The following SRRM4 variants were observed in gnomAD, a reference collection of about 807,000 sequenced individuals.
The protein encoded by SRRM4 is serine/arginine repetitive matrix protein 4.
A neutral mutation model predicts 68.9 loss-of-function variants in SRRM4; 33 were observed. That is an observed-to-expected ratio of 0.48 (90% CI 0.36 to 0.64). SRRM4 has a LOEUF of 0.64. Ranked by LOEUF, SRRM4 falls within the 30% of genes least tolerant of loss-of-function variation. SRRM4 has a pLI of 0.00. For missense variants in SRRM4, 817 were observed against 827.1 expected (o/e 0.99, Z 0.15); for synonymous variants, 318 against 318.8 (o/e 1.00, Z 0.03).
chr12:119,011,525 A>G (rs1335966277), intron 1 of SRRM4, among the ~76,000 whole-genome samples: 1 of 152,232 alleles, frequency 6.6e-6, no homozygotes, highest in African/African-American at 2.4e-5. Flanking sequence ...ATACATTTCC[A>G]TCTACCCCTA....
At chr12:119,054,796 T>C (rs554739196) in intron 1 of SRRM4, among the ~76,000 whole-genome samples, 11 of 152,326 alleles carry the variant, frequency 7.2e-5, no homozygotes, top group Non-Finnish European at 1.5e-4. Context: ...CAGCTGTCCC[T>C]TGGGGTGGCA....
chr12:119,041,336 T>A (rs879643164), intron 1 of SRRM4, among the ~76,000 whole-genome samples: 1 of 152,330 alleles, frequency 6.6e-6, no homozygotes, highest in East Asian at 1.9e-4. Context: ...AACTTGTGGA[T>A]GCCTCAGTTT....
chr12:119,019,165 A>T (rs1245839281), intron 1 of SRRM4, among the ~76,000 whole-genome samples: 1 of 152,192 alleles, frequency 6.6e-6, no homozygotes, highest in Non-Finnish European at 1.5e-5. Flanking sequence ...GGTAAACGTG[A>T]TGTGTAAATC....
At chr12:119,030,684 T>C (rs10851062) in intron 1 of SRRM4, among the ~76,000 whole-genome samples, 45,651 of 152,090 alleles carry the variant, frequency 0.3, 7,198 homozygotes, top group Non-Finnish European at 0.35. Flanking sequence ...TAAGCCATTT[T>C]TCTCACTTAA....
At chr12:119,054,014 C>CACCTCCCCGCTACCA (rs1808296865) in intron 1 of SRRM4, among the ~76,000 whole-genome samples, 2 of 152,148 alleles carry the variant, frequency 1.3e-5, no homozygotes, top group African/African-American at 4.8e-5. Context: ...AAACCATCCG[C>CACCTCCCCGCTACCA]ACCTCCCCGC....
At chr12:118,990,810 T>TC (rs1953311818) in intron 1 of SRRM4, among the ~76,000 whole-genome samples, 2 of 151,474 alleles carry the variant, frequency 1.3e-5, no homozygotes, top group African/African-American at 4.9e-5. Context: ...TTTCTCTTGT[T>TC]TGTGTTTTTT....
chr12:119,084,057 C>A (rs1333970418), intron 1 of SRRM4, among the ~76,000 whole-genome samples: 1 of 152,144 alleles, frequency 6.6e-6, no homozygotes, highest in Non-Finnish European at 1.5e-5. Flanking sequence ...ACACAGCAAG[C>A]GCTATTACAC....
At chr12:119,078,821 T>C (rs1389896459) in intron 1 of SRRM4, among the ~76,000 whole-genome samples, 4 of 152,170 alleles carry the variant, frequency 2.6e-5, no homozygotes, top group Non-Finnish European at 4.4e-5. Flanking sequence ...TCCCAGCTAC[T>C]CTGGAGGCTG....
intron 1 of SRRM4, among the ~76,000 whole-genome samples, chr12:119,053,081 T>G (rs1413696535): frequency 1.3e-5 from 2 of 152,198 alleles, no homozygotes; most frequent in Admixed American, 1.3e-4. Context: ...TGTCTCAGTT[T>G]GGGGCTACTA....
At chr12:119,087,062 G>A (rs887499119) in intron 1 of SRRM4, among the ~76,000 whole-genome samples, 4 of 152,206 alleles carry the variant, frequency 2.6e-5, no homozygotes, top group African/African-American at 9.6e-5. Context: ...TGGTGAAAGG[G>A]TTAAAACCAT....
In SRRM4 at chr12:119,112,229, G is replaced by T. The variant is rs191148828; in HGVS notation, c.279-2049G>T. Among the ~76,000 whole-genome samples, 8 of 152,184 alleles carry T rather than the reference G, an allele frequency of 5.3e-5. No homozygotes were observed. The East Asian group carries it at 1.5e-3, about 29-fold the overall frequency. On this transcript the variant is annotated intron_variant, in intron 2 of 12. Transcript: ENST00000267260. ...TACTAAAAGGGACCCTCTTAGAAAT[G>T]CAAATCAAAACCACAATGAGATGCC...
intron 1 of SRRM4, among the ~76,000 whole-genome samples, chr12:119,042,934 C>T (rs948050109): frequency 6.4e-4 from 97 of 152,136 alleles, no homozygotes; most frequent in Non-Finnish European, 9.3e-4. Context: ...TGCTTTTACA[C>T]TGTTGGTGGG....
chr12:119,034,146 A>G lies in SRRM4; in HGVS notation c.131+52133A>G, dbSNP rs543588357. The stretch of plus-strand genomic sequence containing the variant: ...GGGCAGAGGGAGAAGCTGAGCTGCA[A>G]GGAGGTCTCAGTGGAGGCCTCAGCC... On this transcript the variant is annotated intron_variant, in intron 1 of 12. Transcript: ENST00000267260. Among the ~76,000 whole-genome samples the G allele has an allele frequency of 1.5e-4, 23 of 152,328 alleles. No homozygotes were observed. The South Asian group carries it at 2.3e-3, about 15-fold the overall frequency.
At chr12:119,010,374 G>T (rs1009531932) in intron 1 of SRRM4, among the ~76,000 whole-genome samples, 3 of 152,198 alleles carry the variant, frequency 2.0e-5, no homozygotes, top group Non-Finnish European at 4.4e-5. Flanking sequence ...TTTCTGAGAT[G>T]AATCATTGCG....
chr12:119,080,321 G>A (rs1020345956), intron 1 of SRRM4, among the ~76,000 whole-genome samples: 1 of 150,586 alleles, frequency 6.6e-6, no homozygotes, highest in South Asian at 2.1e-4. Flanking sequence ...ATTGTGGTGA[G>A]CACTAAATTA....
intron 2 of SRRM4, among the ~76,000 whole-genome samples, chr12:119,106,091 G>A (rs941471987): frequency 2.6e-5 from 4 of 152,132 alleles, no homozygotes; most frequent in Admixed American, 2.6e-4. Context: ...TCTTGTTTTT[G>A]TCAGGTTTGT....
rs188406039 is a variant in SRRM4, at chr12:119,047,698, A to T, written c.132-54538A>T. ...CCCTGGACCAGTGGTCACCTGGACA[A>T]GTTCCAACGTGATGGTAGAAGTGCA... On this transcript the variant is annotated intron_variant, in intron 1 of 12. Coordinates refer to ENST00000267260, the MANE Select transcript of SRRM4 (RefSeq NM_194286.4). 2.0e-5 allele frequency among the ~76,000 whole-genome samples: 3 copies of T among 152,344 alleles called. No individual in the cohort carries two copies. The East Asian group carries it at 5.8e-4, about 29-fold the overall frequency.
Position 119,154,358 on chromosome 12 carries a change from C to T in SRRM4, c.1507C>T (p.His503Tyr). Residue 503 changes from histidine (H) to tyrosine (Y), a missense_variant, in exon 12 of 13, where the codon CAC becomes TAC. Transcript: ENST00000267260. This position sits in a 1 kb window ranked among gnomAD's most constrained non-coding sequence, Gnocchi z 4.7. ...MRKRRRDSPS[H>Y]LEARRITSAR... ...AAAGCGCCGGAGAGACTCCCCGAGCCACCTGGAGGCCCGGAGGATAACCAG... is the reference window on the plus strand; with the variant it reads ...AAAGCGCCGGAGAGACTCCCCGAGCTACCTGGAGGCCCGGAGGATAACCAG... 2 of 1,613,302 alleles carry T rather than the reference C, an allele frequency of 1.2e-6. No individual in the cohort carries two copies. Among genetic ancestry groups the T allele is most frequent in the East Asian group, 2.2e-5 (1 of 44,850 alleles).
At chr12:119,044,501 C>T (rs1953692469) in intron 1 of SRRM4, among the ~76,000 whole-genome samples, 1 of 144,964 alleles carries the variant, frequency 6.9e-6, no homozygotes. Context: ...CTTCCTAAGC[C>T]ACATGTCCTG....
Sources: allele counts gnomAD v4.1 joint callset (sites outside exome capture counted in the v4.1 genomes callset), GRCh38; gene constraint gnomAD v4.1.1; non-coding constraint Gnocchi (gnomAD v3.1); transcripts MANE v1.5; gene names NCBI Gene and HGNC (gene_info 2026-07-23, HGNC 2026-07-21).